GAP43: variants seen among roughly 807,000 people sequenced by gnomAD.
The protein encoded by GAP43 is growth associated protein 43, also known as neuromodulin.
GAP43 carries 6 observed loss-of-function variants against 18.6 expected under a neutral mutation model. The ratio of observed to expected loss-of-function variants is 0.32; its 90% confidence interval spans 0.18 to 0.64. The LOEUF (loss-of-function observed/expected upper bound fraction) is 0.64. Ranked by LOEUF, GAP43 falls within the 30% of genes least tolerant of loss-of-function variation. GAP43 has a pLI of 0.78. For synonymous variants in GAP43, 115 were observed against 111.4 expected, an observed-to-expected ratio of 1.03 and a Z score of -0.20; for missense variants, 292 against 295.5, an observed-to-expected ratio of 0.99 and a Z score of 0.09.
intron 2 of GAP43, among the ~76,000 whole-genome samples, chr3:115,689,121 C>T (rs1005258735): frequency 6.6e-6 from 1 of 152,346 alleles, no homozygotes; most frequent in South Asian, 2.1e-4. Context: ...ACTCAGGTCT[C>T]CATTTGAATG....
In GAP43 at chr3:115,716,777, G is replaced by C. The variant is rs1176162385; in HGVS notation, c.629-4017G>C. On this transcript the variant is annotated intron_variant, in intron 2 of 2. Coordinates refer to ENST00000305124, the MANE Select transcript of GAP43 (RefSeq NM_002045.4). ...ATATATATATATATATACAGAGAGA[G>C]AGAGAGAGAGAGAGTTTTATATGTT... Among the ~76,000 whole-genome samples, 185 of 125,828 alleles carry C rather than the reference G, an allele frequency of 1.5e-3. 5 individuals carry two copies. In the South Asian group the frequency reaches 0.031, roughly 21 times the overall value. The allele number at this position is 125,828 out of a possible 152,430, so 82.5% of individuals were successfully genotyped here. A position where few individuals can be genotyped will look rare whatever the true frequency, so the allele number is the denominator to read the frequency against.
chr3:115,687,178 G>A (rs1375627772), intron 2 of GAP43, among the ~76,000 whole-genome samples: 2 of 149,980 alleles, frequency 1.3e-5, no homozygotes, highest in African/African-American at 4.9e-5. Context: ...TTGAAGTACA[G>A]TTTGAAAAAT....
At chr3:115,671,205 G>T (rs1016286578) in intron 1 of GAP43, among the ~76,000 whole-genome samples, 2 of 152,106 alleles carry the variant, frequency 1.3e-5, no homozygotes, top group Non-Finnish European at 2.9e-5. Context: ...CAAATGTTTG[G>T]ACATTTTAGA....
chr3:115,686,006 T>G (rs1298796110), intron 2 of GAP43, among the ~76,000 whole-genome samples: 1 of 152,198 alleles, frequency 6.6e-6, no homozygotes, highest in East Asian at 1.9e-4. Context: ...AAAACAAAAC[T>G]CTAACAGCCT....
At chr3:115,628,828 C>T (rs943169865) in intron 1 of GAP43, among the ~76,000 whole-genome samples, 1 of 152,202 alleles carries the variant, frequency 6.6e-6, no homozygotes, top group Non-Finnish European at 1.5e-5. Flanking sequence ...AGGTCATCCA[C>T]ATCCAAATCT....
intron 2 of GAP43, among the ~76,000 whole-genome samples, chr3:115,714,300 A>G (rs891563540): frequency 5.9e-5 from 9 of 152,200 alleles, no homozygotes; most frequent in African/African-American, 1.7e-4. Context: ...TTAACACAGA[A>G]ATGACAAAAT....
intron 2 of GAP43, among the ~76,000 whole-genome samples, chr3:115,708,654 A>C (rs926586343): frequency 2.0e-4 from 31 of 152,274 alleles, no homozygotes; most frequent in African/African-American, 7.5e-4. Flanking sequence ...AAGCAAGGGT[A>C]CTGGAGTGGA....
At chr3:115,698,192 TATATATTATATATTATATAAA>T (rs1709239105) in intron 2 of GAP43, among the ~76,000 whole-genome samples, 1 of 10,774 alleles carries the variant, frequency 9.3e-5, no homozygotes, top group Admixed American at 2.6e-3. Context: ...ATATATTAAA[TATATATTATATATTATATAAA>T]ATATATAATA....
At chr3:115,643,964 G>T (rs988681880) in intron 1 of GAP43, among the ~76,000 whole-genome samples, 8 of 151,988 alleles carry the variant, frequency 5.3e-5, no homozygotes, top group African/African-American at 1.9e-4. Context: ...ACGTGCTACA[G>T]CTAATGCATC....
intron 1 of GAP43, chr3:115,658,475 T>C (rs533045709): frequency 6.6e-6 from 1 of 152,324 alleles, no homozygotes; most frequent in South Asian, 2.1e-4. Flanking sequence ...TGCAGTGTGA[T>C]CTCATCTCTT....
At chr3:115,668,792 A>C (rs2107485320) in intron 1 of GAP43, among the ~76,000 whole-genome samples, 1 of 152,200 alleles carries the variant, frequency 6.6e-6, no homozygotes, top group Non-Finnish European at 1.5e-5. Flanking sequence ...TAATCCCAGC[A>C]CTTTGGGAGG....
intron 2 of GAP43, among the ~76,000 whole-genome samples, chr3:115,677,896 T>C (rs1559799044): frequency 1.3e-5 from 2 of 152,246 alleles, no homozygotes; most frequent in South Asian, 4.1e-4. Flanking sequence ...AGGTGACTAT[T>C]CTAGATATTT....
intron 1 of GAP43, 73 bp from the exon 2 acceptor site, chr3:115,675,939 CT>C: frequency 6.6e-7 from 1 of 1,522,880 alleles, no homozygotes; most frequent in Non-Finnish European, 8.8e-7. Context: ...TTAATAAATA[CT>C]TGTTGAATGC....
chr3:115,703,150 A>G (rs1461033620), intron 2 of GAP43, among the ~76,000 whole-genome samples: 1 of 152,140 alleles, frequency 6.6e-6, no homozygotes, highest in East Asian at 1.9e-4. Flanking sequence ...GAATATGTAT[A>G]TTTATGAAAT....
At chr3:115,663,653 T>TA in intron 1 of GAP43, 1 of 1,429,616 alleles carries the variant, frequency 7.0e-7, no homozygotes, top group East Asian at 2.6e-5. Flanking sequence ...AGCCCTTGCT[T>TA]AAAAAATTTT....
chr3:115,687,113 C>CTT (rs1491196316), intron 2 of GAP43, among the ~76,000 whole-genome samples: 1 of 12,678 alleles, frequency 7.9e-5, no homozygotes, highest in Non-Finnish European at 2.7e-4. Context: ...GAAATCCCCC[C>CTT]TCTTTTTTTT....
At chr3:115,633,888 G>T (rs1230829129) in intron 1 of GAP43, among the ~76,000 whole-genome samples, 1 of 152,132 alleles carries the variant, frequency 6.6e-6, no homozygotes, top group Non-Finnish European at 1.5e-5. Flanking sequence ...CAGCTCAATT[G>T]GATTTATATT....
In GAP43 at chr3:115,684,628, C is replaced by T. The variant is rs574129285; in HGVS notation, c.628+8018C>T. ...AGTAGAGAATGGCTCCAGGAACACC[C>T]TTTGTCTCTCTGAGGGTGTGTGTGA... On this transcript the variant is annotated intron_variant, in intron 2 of 2. Transcript: ENST00000305124. Among the ~76,000 whole-genome samples the T allele has an allele frequency of 5.3e-5, 8 of 152,272 alleles. No individual in the cohort carries two copies. In the South Asian group the frequency reaches 1.7e-3, roughly 32 times the overall value.
At chr3:115,716,714 ACAAATATATAT>A (rs1709507092) in intron 2 of GAP43, among the ~76,000 whole-genome samples, 1,756 of 63,874 alleles carry the variant, frequency 0.027, 126 homozygotes, top group Middle Eastern at 0.049. Context: ...TTAATCTCAG[ACAAATATATAT>A]ATATATATAT....
Sources: gnomAD v4.1 joint callset for allele counts (sites outside exome capture counted in the v4.1 genomes callset) on GRCh38, gnomAD v4.1.1 for gene constraint, MANE v1.5 for transcripts, NCBI Gene and HGNC (gene_info 2026-07-23, HGNC 2026-07-21) for gene names.